ERBB4: variants seen among roughly 807,000 people sequenced by gnomAD.
ERBB4 encodes erb-b2 receptor tyrosine kinase 4, also known as receptor tyrosine-protein kinase erbB-4.
In ERBB4, 42 loss-of-function variants were observed where a neutral mutation model predicts 158.0. The observed-to-expected ratio is 0.27, with a 90% CI of 0.21 to 0.34. ERBB4 has a LOEUF of 0.34. Among genes scored for constraint, ERBB4 ranks in the 10% least tolerant of loss-of-function variants. The pLI is 1.00. For missense variants in ERBB4, 1,333 were observed against 1,624.1 expected, an observed-to-expected ratio of 0.82 and a Z score of 3.08; for synonymous variants, 583 against 558.7, an observed-to-expected ratio of 1.04 and a Z score of -0.61.
chr2:211,691,568 ATGTGTGTGTG>A (rs61091828), intron 12 of ERBB4, among the ~76,000 whole-genome samples: 4 of 139,150 alleles, frequency 2.9e-5, no homozygotes, highest in Admixed American at 2.2e-4. Context: ...ATAGAAACAT[ATGTGTGTGTG>A]TGTGTGTGTG....
chr2:211,500,131 G>A (rs2065580626), intron 20 of ERBB4, among the ~76,000 whole-genome samples: 1 of 152,046 alleles, frequency 6.6e-6, no homozygotes, highest in Non-Finnish European at 1.5e-5. Context: ...TTCTGTATCT[G>A]GTCATGGTAC....
chr2:211,714,835 C>A (rs1214387984), intron 7 of ERBB4, among the ~76,000 whole-genome samples: 1 of 152,090 alleles, frequency 6.6e-6, no homozygotes, highest in Non-Finnish European at 1.5e-5. Flanking sequence ...TGTGTAGGGG[C>A]AGAAGCACAA....
At chr2:211,859,983 A>T (rs769080816) in intron 3 of ERBB4, among the ~76,000 whole-genome samples, 3 of 152,212 alleles carry the variant, frequency 2.0e-5, no homozygotes, top group African/African-American at 4.8e-5. Flanking sequence ...TTGTTAATGC[A>T]ATCATTAAAT....
intron 25 of ERBB4, among the ~76,000 whole-genome samples, chr2:211,417,111 A>T (rs968637897): frequency 1.3e-5 from 2 of 152,192 alleles, no homozygotes; most frequent in African/African-American, 2.4e-5. Context: ...CAGAAGTTAA[A>T]TAGCTTCTCA....
intron 3 of ERBB4, among the ~76,000 whole-genome samples, chr2:211,890,761 C>A (rs1476425916): frequency 7.8e-6 from 1 of 128,426 alleles, no homozygotes; most frequent in African/African-American, 3.3e-5. Context: ...CAATCCTAGT[C>A]TCTGATAAAA....
At position 212,277,143 on chromosome 2, in the gene ERBB4, T is replaced by C. The variant is rs562495929; in HGVS notation, c.83-152240A>G. ...GCAAGCTAGGGGGAATGAGGTATAT[T>C]AGAAATAAGTTGACAGAGAGATTTA... is the stretch of plus-strand genomic sequence containing the variant. On this transcript the variant is annotated intron_variant, in intron 1 of 27. Transcript: ENST00000342788. Among the ~76,000 whole-genome samples, 34 of 151,854 alleles carry C rather than the reference T, an allele frequency of 2.2e-4. 1 individual carries two copies. Among genetic ancestry groups the C allele is most frequent in the African/African-American group, 8.0e-4 (33 of 41,490 alleles).
intron 1 of ERBB4, among the ~76,000 whole-genome samples, chr2:212,536,544 T>C (rs533877425): frequency 6.6e-6 from 1 of 152,278 alleles, no homozygotes; most frequent in East Asian, 1.9e-4. Flanking sequence ...CCTCGCGCTC[T>C]AAATGGGCTC....
chr2:212,032,132 A>G (rs1014348940), intron 2 of ERBB4, among the ~76,000 whole-genome samples: 3 of 152,116 alleles, frequency 2.0e-5, no homozygotes, highest in African/African-American at 4.8e-5. Flanking sequence ...TTCATATGCA[A>G]TGTTGATGCA....
intron 1 of ERBB4, among the ~76,000 whole-genome samples, chr2:212,472,281 T>C (rs1203922238): frequency 1.3e-5 from 2 of 151,826 alleles, no homozygotes; most frequent in African/African-American, 2.4e-5. Context: ...CTAAAATATA[T>C]TGGCACAACA....
intron 1 of ERBB4, among the ~76,000 whole-genome samples, chr2:212,307,496 CT>C (rs1559977639): frequency 6.6e-6 from 1 of 150,642 alleles, no homozygotes; most frequent in Non-Finnish European, 1.5e-5. Flanking sequence ...CCACTTTGCC[CT>C]TTTTTATGTC....
intron 1 of ERBB4, among the ~76,000 whole-genome samples, chr2:212,348,792 G>C (rs998613093): frequency 3.3e-5 from 5 of 152,010 alleles, no homozygotes; most frequent in African/African-American, 1.2e-4. Flanking sequence ...AGCAAAACCT[G>C]CTTTTAAAAA....
At chr2:211,861,883 C>T (rs570682005) in intron 3 of ERBB4, among the ~76,000 whole-genome samples, 381 of 139,782 alleles carry the variant, frequency 2.7e-3, no homozygotes, top group Middle Eastern at 4.1e-3. Flanking sequence ...AAATGAAATG[C>T]TAATTTTTTC....
At chr2:212,256,515 T>C (rs1188663500) in intron 1 of ERBB4, among the ~76,000 whole-genome samples, 1 of 152,158 alleles carries the variant, frequency 6.6e-6, no homozygotes, top group Non-Finnish European at 1.5e-5. Context: ...CATGCGTTCT[T>C]TTGGAAATCT....
Position 211,505,487 on chromosome 2 carries a change from C to CA in ERBB4, c.2487+56415_2487+56416insT, listed in dbSNP as rs548324290. On this transcript the variant is annotated intron_variant, in intron 20 of 27. Coordinates refer to ENST00000342788, the MANE Select transcript of ERBB4 (RefSeq NM_005235.3). ...TAAACACGAAAATGAAAGAATGATA[C>CA]TCACCATCATAAAAAAAAAACATGT... 2.7e-4 allele frequency among the ~76,000 whole-genome samples: 34 copies of CA among 127,806 alleles called. No homozygotes were observed. In the South Asian group the frequency reaches 8.4e-3, roughly 32 times the overall value. 83.8% of individuals were successfully genotyped at this position (127,806 alleles called of 152,430 possible).
intron 5 of ERBB4, among the ~76,000 whole-genome samples, chr2:211,725,574 A>C (rs1384239192): frequency 6.6e-6 from 1 of 152,108 alleles, no homozygotes; most frequent in Non-Finnish European, 1.5e-5. Flanking sequence ...TGCACTTGTG[A>C]ATAGTCACTG....
chr2:211,743,883 A>G (rs1400750852), intron 5 of ERBB4, among the ~76,000 whole-genome samples: 1 of 152,102 alleles, frequency 6.6e-6, no homozygotes, highest in Admixed American at 6.6e-5. Context: ...TTCTATTTTG[A>G]CCCTTTGCAA....
intron 3 of ERBB4, among the ~76,000 whole-genome samples, chr2:211,911,927 G>C (rs982816634): frequency 6.6e-6 from 1 of 151,244 alleles, no homozygotes; most frequent in African/African-American, 2.4e-5. Context: ...ATGAGTGATT[G>C]AGGCATAAGT....
At chr2:211,589,726 C>G (rs2068402582) in intron 19 of ERBB4, among the ~76,000 whole-genome samples, 1 of 151,952 alleles carries the variant, frequency 6.6e-6, no homozygotes, top group African/African-American at 2.4e-5. Context: ...GAAGTATTGC[C>G]TAATACTTCT....
chr2:212,262,876 C>T (rs2084996480), intron 1 of ERBB4, among the ~76,000 whole-genome samples: 1 of 151,990 alleles, frequency 6.6e-6, no homozygotes, highest in Non-Finnish European at 1.5e-5. Flanking sequence ...AAACAAGAAA[C>T]AAATTAATAC....
Sources: allele counts gnomAD v4.1 joint callset (sites outside exome capture counted in the v4.1 genomes callset), GRCh38; gene constraint gnomAD v4.1.1; transcripts MANE v1.5; gene names NCBI Gene and HGNC (gene_info 2026-07-23, HGNC 2026-07-21).